The following ATP10B variants were observed in gnomAD, a reference collection of about 807,000 sequenced individuals.
ATP10B encodes phospholipid-transporting ATPase VB.
ATP10B carries 122 observed loss-of-function variants against 141.2 expected under a neutral mutation model. The observed-to-expected ratio is 0.86, with a 90% CI of 0.75 to 1.00. The LOEUF is 1.00. ATP10B is among the 50% of genes least tolerant of loss of function. The probability of loss-of-function intolerance (pLI) is 0.00; values close to 1 mark genes in which losing one functional copy is unlikely to be tolerated. For synonymous variants in ATP10B, 685 were observed against 692.0 expected, an observed-to-expected ratio of 0.99 and a Z score of 0.16; for missense variants, 1,876 against 1,825.3, an observed-to-expected ratio of 1.03 and a Z score of -0.51.
At chr5:160,854,005 TAC>T (rs146756423), upstream of ATP10B, among the ~76,000 whole-genome samples, 930 of 152,282 alleles carry the variant, frequency 6.1e-3, 15 homozygotes, top group African/African-American at 0.022. Context: ...TCCTGATTTT[TAC>T]ACAGTGTGTC....
chr5:160,864,116 C>A, the ATP10B span, among the ~76,000 whole-genome samples: 2 of 151,816 alleles, frequency 1.3e-5, no homozygotes, highest in South Asian at 4.1e-4. Context: ...AATGCCAAAA[C>A]AAGAAAGGAC....
intron 14 of ATP10B, 143 bp downstream of exon 14, chr5:160,622,251 T>C (rs562110321): frequency 2.6e-6 from 2 of 769,762 alleles, no homozygotes; most frequent in South Asian, 4.1e-5. Context: ...AGACCTATTC[T>C]AGGTTTCACT....
At chr5:160,617,842 C>A (rs757960383) in intron 16 of ATP10B, 22 bp downstream of exon 16, 1 of 1,587,474 alleles carries the variant, frequency 6.3e-7, no homozygotes, top group Non-Finnish European at 8.7e-7. Context: ...ATTCAAAGCA[C>A]GCTTGGAGGA....
chr5:160,639,112 T>G (rs763443916), intron 10 of ATP10B: 5 of 152,304 alleles, frequency 3.3e-5, no homozygotes, highest in Non-Finnish European at 7.3e-5. Context: ...GGGCTAAGAG[T>G]GGCCTCTCTC....
rs142608768 is a variant in ATP10B, at chr5:160,688,754, A to T, written c.-21+6T>A. ...CTGATTCTGATGACATTTTCCAGAA[A>T]CTCACCTGTGGCCGGAACCTCAAAG... On this transcript the variant is annotated splice_donor_region_variant and intron_variant, in intron 4 of 25. Coordinates refer to ENST00000327245, the MANE Select transcript of ATP10B (RefSeq NM_025153.3). 14 of 985,214 alleles carry T rather than the reference A, an allele frequency of 1.4e-5. No homozygotes were observed. The highest frequency in any genetic ancestry group is 1.6e-5 in the Non-Finnish European group (13 of 829,860). The allele number at this position is 985,214 out of a possible 1,614,324, so 61.0% of individuals were successfully genotyped here.
At chr5:160,827,657 A>G (rs1261745679) in intron 1 of ATP10B, among the ~76,000 whole-genome samples, 2 of 152,210 alleles carry the variant, frequency 1.3e-5, no homozygotes, top group African/African-American at 2.4e-5. Context: ...GCCAAAGCCA[A>G]TGTTGAGAAG....
chr5:160,702,462 A>T (rs138036767), intron 3 of ATP10B, among the ~76,000 whole-genome samples: 1 of 152,338 alleles, frequency 6.6e-6, no homozygotes, highest in East Asian at 1.9e-4. Flanking sequence ...AATATAAATG[A>T]CACTTATTCA....
chr5:160,856,428 A>G (rs1754000635), upstream of ATP10B, among the ~76,000 whole-genome samples: 1 of 151,826 alleles, frequency 6.6e-6, no homozygotes, highest in Non-Finnish European at 1.5e-5. Flanking sequence ...TTTTCTACAA[A>G]GACAATCATG....
chr5:160,794,615 G>A lies in ATP10B; in HGVS notation c.-575-8812C>T, dbSNP rs192405033. Among the ~76,000 whole-genome samples, 110 of 152,258 alleles carry A rather than the reference G, an allele frequency of 7.2e-4. No individual in the cohort carries two copies. In the South Asian group the frequency reaches 0.019, roughly 26 times the overall value. ...TGGAGGAAGCCTTTTTGCAACAGAG[G>A]AAGCCTCACTTTTCCCACCCAGTTG... On this transcript the variant is annotated intron_variant, in intron 1 of 25. Transcript: ENST00000327245.
intron 1 of ATP10B, among the ~76,000 whole-genome samples, chr5:160,804,890 C>T (rs971955461): frequency 1.3e-5 from 2 of 152,154 alleles, no homozygotes; most frequent in Non-Finnish European, 2.9e-5. Flanking sequence ...GTTTCAGTAA[C>T]CCCCCACCAC....
At chr5:160,623,207 C>G (rs1188302599) in intron 13 of ATP10B, among the ~76,000 whole-genome samples, 1 of 152,202 alleles carries the variant, frequency 6.6e-6, no homozygotes, top group Non-Finnish European at 1.5e-5. Context: ...CAAAATCCTA[C>G]CTAGACTTCA....
At chr5:160,889,539 T>C in the ATP10B span, among the ~76,000 whole-genome samples, 118 of 152,332 alleles carry the variant, frequency 7.7e-4, no homozygotes, top group South Asian at 0.019. Flanking sequence ...ATTTTCAAAA[T>C]GGAAATCCAT....
At chr5:160,878,259 C>G in the ATP10B span, among the ~76,000 whole-genome samples, 2 of 151,254 alleles carry the variant, frequency 1.3e-5, no homozygotes, top group East Asian at 1.9e-4. Flanking sequence ...CTTTGACAAA[C>G]CTGAGAAAAA....
intron 6 of ATP10B, among the ~76,000 whole-genome samples, chr5:160,679,781 T>C (rs937881821): frequency 9.9e-5 from 15 of 152,192 alleles, no homozygotes; most frequent in South Asian, 4.1e-4. Context: ...TTAGGTTTCA[T>C]TACAATAAGG....
the ATP10B span, among the ~76,000 whole-genome samples, chr5:160,858,123 G>C: frequency 6.6e-6 from 1 of 151,658 alleles, no homozygotes; most frequent in Non-Finnish European, 1.5e-5. Flanking sequence ...CAGTCATATT[G>C]GTTTTTGTTT....
In ATP10B at chr5:160,630,726, A is replaced by C. The variant is rs370893285; in HGVS notation, c.1620+1403T>G. Among the ~76,000 whole-genome samples the C allele has an allele frequency of 1.6e-4, 24 of 152,354 alleles. 1 individual carries two copies. Among genetic ancestry groups the C allele is most frequent in the East Asian group, 1.2e-3 (6 of 5,186 alleles). Reference sequence around the variant, plus strand: ...AAAAACCATGAAAATCTTCCTGAAGACATCTATGGATCATTTCACTTGTGT... The same window carrying C: ...AAAAACCATGAAAATCTTCCTGAAGCCATCTATGGATCATTTCACTTGTGT... On this transcript the variant is annotated intron_variant, in intron 13 of 25. Transcript: ENST00000327245.
At chr5:160,859,491 C>G in the ATP10B span, among the ~76,000 whole-genome samples, 2 of 151,684 alleles carry the variant, frequency 1.3e-5, no homozygotes, top group East Asian at 3.9e-4. Flanking sequence ...AAATTCAAAG[C>G]ACAGGCCCCC....
At chr5:160,910,300 G>A in the ATP10B span, among the ~76,000 whole-genome samples, 113 of 152,158 alleles carry the variant, frequency 7.4e-4, no homozygotes, top group Non-Finnish European at 1.5e-3. Context: ...AGTCCTCCCC[G>A]GTACTACTAA....
chr5:160,574,575 C>T (rs1215426768), intron 24 of ATP10B, among the ~76,000 whole-genome samples: 1 of 152,102 alleles, frequency 6.6e-6, no homozygotes, highest in Admixed American at 6.5e-5. Flanking sequence ...AATGTATGTG[C>T]CCCCTCTAAA....
Sources: gnomAD v4.1 joint callset for allele counts (sites outside exome capture counted in the v4.1 genomes callset) on GRCh38, gnomAD v4.1.1 for gene constraint, MANE v1.5 for transcripts, NCBI Gene and HGNC (gene_info 2026-07-23, HGNC 2026-07-21) for gene names.